DNAJC5B: variants seen among roughly 807,000 people sequenced by gnomAD.
The protein encoded by DNAJC5B is DnaJ heat shock protein family (Hsp40) member C5 beta, also known as dnaJ homolog subfamily C member 5B.
Under a neutral mutation model 24.7 loss-of-function variants are expected in DNAJC5B, and 23 were observed. The ratio of observed to expected loss-of-function variants is 0.93; its 90% CI spans 0.67 to 1.32. DNAJC5B has a LOEUF of 1.32. Among genes scored for constraint, DNAJC5B ranks in the 40% most tolerant of loss-of-function variants. DNAJC5B has a pLI of 0.00. For synonymous variants in DNAJC5B, 101 were observed against 90.1 expected, an observed-to-expected ratio of 1.12 and a Z score of -0.68; for missense variants, 238 against 240.8, an observed-to-expected ratio of 0.99 and a Z score of 0.08.
At chr8:66,020,278 G>A (rs908228005), upstream of DNAJC5B, among the ~76,000 whole-genome samples, 4 of 152,216 alleles carry the variant, frequency 2.6e-5, no homozygotes, top group African/African-American at 4.8e-5. Context: ...TCACCAAGTT[G>A]TGAAGATTAA....
At chr8:66,041,303 T>C (rs1458469141) in intron 1 of DNAJC5B, among the ~76,000 whole-genome samples, 3 of 152,200 alleles carry the variant, frequency 2.0e-5, no homozygotes, top group Non-Finnish European at 4.4e-5. Context: ...TGCTGAGATA[T>C]GAAATTTAAA....
At chr8:66,077,137 CTAAG>C (rs1807485289) in intron 4 of DNAJC5B, among the ~76,000 whole-genome samples, 2 of 152,256 alleles carry the variant, frequency 1.3e-5, no homozygotes, top group South Asian at 4.1e-4. Context: ...TTTATAATGA[CTAAG>C]TAAGGACTGA....
rs377236211 is a variant in DNAJC5B at position 66,038,016 on chromosome 8, C to T, written c.-141-5472C>T. Among the ~76,000 whole-genome samples, 9 of 152,292 alleles carry T rather than the reference C, an allele frequency of 5.9e-5. No homozygotes were observed. The South Asian group carries it at 8.3e-4, about 14-fold the overall frequency. On this transcript the variant is annotated intron_variant, in intron 1 of 5. Coordinates refer to ENST00000276570, the MANE Select transcript of DNAJC5B (RefSeq NM_033105.6). ...CTGCCCTGCTTCCAAGACCAGTGACCGCTGCAGGGTCTACCTGGCCACGAG... is the reference window on the plus strand; with the variant it reads ...CTGCCCTGCTTCCAAGACCAGTGACTGCTGCAGGGTCTACCTGGCCACGAG...
At chr8:66,017,808 G>T (rs1420352859), upstream of DNAJC5B, among the ~76,000 whole-genome samples, 1 of 152,176 alleles carries the variant, frequency 6.6e-6, no homozygotes, top group Non-Finnish European at 1.5e-5. Flanking sequence ...ATAAGGAAAA[G>T]TGATTCTGTT....
chr8:66,084,262 T>C (rs531123183), intron 5 of DNAJC5B, among the ~76,000 whole-genome samples: 12 of 152,238 alleles, frequency 7.9e-5, no homozygotes, highest in Admixed American at 7.8e-4. Context: ...TCACTTAAGG[T>C]TCTTTAAGAA....
At chr8:66,029,054 G>C (rs1806306226) in intron 1 of DNAJC5B, among the ~76,000 whole-genome samples, 1 of 152,154 alleles carries the variant, frequency 6.6e-6, no homozygotes, top group Admixed American at 6.5e-5. Context: ...CCATGGTCTT[G>C]CTCATGCAAT....
At chr8:66,092,420 G>A (rs1807866434) in intron 5 of DNAJC5B, among the ~76,000 whole-genome samples, 1 of 152,120 alleles carries the variant, frequency 6.6e-6, no homozygotes, top group Admixed American at 6.6e-5. Flanking sequence ...CAGGAGCTAG[G>A]ACAGAGGGCT....
At chr8:66,038,925 T>C (rs1265010342) in intron 1 of DNAJC5B, among the ~76,000 whole-genome samples, 7 of 152,228 alleles carry the variant, frequency 4.6e-5, no homozygotes, top group Non-Finnish European at 1.0e-4. Flanking sequence ...CAATATTTTT[T>C]TGTAGCACAG....
At chr8:66,068,979 C>G (rs1807285044) in intron 3 of DNAJC5B, among the ~76,000 whole-genome samples, 1 of 151,938 alleles carries the variant, frequency 6.6e-6, no homozygotes, top group Non-Finnish European at 1.5e-5. Context: ...AATTCTACAT[C>G]CAGGGAAATT....
intron 3 of DNAJC5B, among the ~76,000 whole-genome samples, chr8:66,064,932 T>C (rs1330831686): frequency 6.6e-6 from 1 of 152,180 alleles, no homozygotes; most frequent in Non-Finnish European, 1.5e-5. Context: ...AGGAAAAAAC[T>C]GTAGTGACCA....
chr8:66,076,597 A>G, intron 3 of DNAJC5B, 63 bp from the exon 4 acceptor site: 1 of 1,572,426 alleles, frequency 6.4e-7, no homozygotes, highest in South Asian at 1.1e-5. Context: ...GTGCCCTTCT[A>G]AAACGCCATG....
At chr8:66,028,604 A>G (rs2128955965) in intron 1 of DNAJC5B, among the ~76,000 whole-genome samples, 1 of 152,142 alleles carries the variant, frequency 6.6e-6, no homozygotes, top group Non-Finnish European at 1.5e-5. Flanking sequence ...TCTGGCGAGG[A>G]TCTCAGGTCC....
intron 5 of DNAJC5B, among the ~76,000 whole-genome samples, chr8:66,087,119 C>G (rs542876212): frequency 1.8e-4 from 28 of 152,270 alleles, no homozygotes; most frequent in Non-Finnish European, 3.4e-4. Context: ...GTTTAATTGA[C>G]TCACAGTTCC....
chr8:66,099,715 G>C (rs557475518), intron 5 of DNAJC5B, among the ~76,000 whole-genome samples: 3 of 152,290 alleles, frequency 2.0e-5, no homozygotes, highest in African/African-American at 7.2e-5. Context: ...TGAAAGCTGG[G>C]TTTGGTGCTT....
At chr8:66,018,673 A>G (rs886107397), upstream of DNAJC5B, among the ~76,000 whole-genome samples, 5 of 152,106 alleles carry the variant, frequency 3.3e-5, no homozygotes, top group Non-Finnish European at 5.9e-5. Flanking sequence ...TTGACTTAAC[A>G]TGAGTCTCTC....
chr8:66,016,447 G>T, the DNAJC5B span, among the ~76,000 whole-genome samples: 1 of 152,198 alleles, frequency 6.6e-6, no homozygotes. Flanking sequence ...ACACTGGGAA[G>T]AAGGTGCCTG....
chr8:66,083,003 CTTTTTT>C (rs765749597), intron 5 of DNAJC5B, among the ~76,000 whole-genome samples: 38 of 86,718 alleles, frequency 4.4e-4, no homozygotes, highest in Middle Eastern at 0.02. Context: ...CTTTTCTTTT[CTTTTTT>C]TTTTTTTTTT....
rs917957155 is a variant in DNAJC5B at position 66,074,157 on chromosome 8, T to C, written c.120-2503T>C. Among the ~76,000 whole-genome samples, 6 of 152,186 alleles carry C rather than the reference T, an allele frequency of 3.9e-5. No homozygotes were observed. The East Asian group carries it at 1.2e-3, about 29-fold the overall frequency. Reference sequence around the variant, plus strand: ...TTAGAGAATATCCAAACGGTATATATAACAGCCTCATATAAACCACGAGAT... The same window carrying C: ...TTAGAGAATATCCAAACGGTATATACAACAGCCTCATATAAACCACGAGAT... On this transcript the variant is annotated intron_variant, in intron 3 of 5. Transcript: ENST00000276570.
chr8:66,018,152 G>A (rs1199615288), upstream of DNAJC5B, among the ~76,000 whole-genome samples: 1 of 152,276 alleles, frequency 6.6e-6, no homozygotes, highest in Non-Finnish European at 1.5e-5. Context: ...CCTGCTAAAA[G>A]TGTCAAGTCT....
Sources: gnomAD v4.1 joint callset for allele counts (sites outside exome capture counted in the v4.1 genomes callset) on GRCh38, gnomAD v4.1.1 for gene constraint, MANE v1.5 for transcripts, NCBI Gene and HGNC (gene_info 2026-07-23, HGNC 2026-07-21) for gene names.